The following SYNE2 variants were observed in gnomAD, a reference collection of about 807,000 sequenced individuals.
SYNE2 encodes nesprin-2.
A neutral mutation model predicts 856.3 loss-of-function variants in SYNE2; 431 were observed. The observed-to-expected ratio is 0.50, with a 90% CI of 0.47 to 0.55. The LOEUF (loss-of-function observed/expected upper bound fraction) is 0.55, where lower values mean the gene tolerates loss of function less well. Ranked by LOEUF, SYNE2 falls within the 20% of genes least tolerant of loss-of-function variation. SYNE2 has a pLI of 0.00. For missense variants in SYNE2, 8,129 were observed against 8,023.2 expected (o/e 1.01, Z -0.50); for synonymous variants, 2,923 against 2,872.3 (o/e 1.02, Z -0.56).
Position 64,162,197 on chromosome 14 carries a change from A to G in SYNE2, c.16220A>G (p.Lys5407Arg), listed in dbSNP as rs1400350223. The change falls in exon 88 of 116, where the codon AAG (lysine) becomes AGG (arginine). Residue 5407 changes from lysine (K) to arginine (R), a missense_variant. Physicochemically the swap from Lys to Arg is conservative, Grantham distance 26. This residue lies in a region of SYNE2 where 5,410 missense variants were observed against 5,284.8 expected (regional missense o/e 1.02). Transcript: ENST00000555002. ...AAARLKQQEA[K>R]FQQLANISMS... is the part of the protein sequence containing the mutation. ...GCAAGGCTGAAGCAGCAGGAAGCAA[A>G]GTTTCAACAGCTCGCAAACATCAGC... 5 of 1,614,126 alleles carry G rather than the reference A, an allele frequency of 3.1e-6. No individual in the cohort carries two copies. The highest frequency in any genetic ancestry group is 1.3e-5 in the African/African-American group (1 of 74,942).
intron 80 of SYNE2, among the ~76,000 whole-genome samples, 159 bp downstream of exon 80, chr14:64,140,232 A>G (rs926116096): frequency 4.6e-5 from 7 of 152,186 alleles, no homozygotes; most frequent in Non-Finnish European, 1.0e-4. Flanking sequence ...AACTGTTTAT[A>G]CTGTTCATTC....
At chr14:64,222,200 G>C (rs1228183806) in intron 112 of SYNE2, among the ~76,000 whole-genome samples, 1 of 152,176 alleles carries the variant, frequency 6.6e-6, no homozygotes, top group Non-Finnish European at 1.5e-5. Context: ...CCATAAATCT[G>C]TATGTGGTTT....
chr14:64,168,665 G>C (rs1232356947), intron 92 of SYNE2, among the ~76,000 whole-genome samples: 1 of 152,126 alleles, frequency 6.6e-6, no homozygotes, highest in Non-Finnish European at 1.5e-5. Context: ...GGTATTAGAT[G>C]TAATTATTAT....
chr14:64,214,409 C>T lies in SYNE2; in HGVS notation c.19272C>T (p.Asp6424=), dbSNP rs774346816. The change falls in exon 106 of 116, where the codon GAC becomes GAT. Residue 6424 remains aspartate, a synonymous_variant. Transcript: ENST00000555002. ...CCCTGGAGTGGGACCACACAGGCGA[C>T]GTGGGGGGCTCCTCCTCTCACGAAG... ...SIPLEWDHTG[D]VGGSSSHEED... 1.4e-5 allele frequency: 22 copies of T among 1,613,952 alleles called. No homozygotes were observed. Among genetic ancestry groups the T allele is most frequent in the Middle Eastern group, 1.6e-4 (1 of 6,078 alleles).
At chr14:64,186,189 C>A (rs2098489395) in intron 96 of SYNE2, among the ~76,000 whole-genome samples, 1 of 152,076 alleles carries the variant, frequency 6.6e-6, no homozygotes, top group Non-Finnish European at 1.5e-5. Flanking sequence ...ATCAGAGCTA[C>A]CTGAGGAAAT....
chr14:64,220,711 T>C, intron 111 of SYNE2, 74 bp downstream of exon 111: 1 of 1,537,814 alleles, frequency 6.5e-7, no homozygotes, highest in Non-Finnish European at 8.9e-7. Flanking sequence ...GATATTTTTA[T>C]CATCATCAGG....
At chr14:63,964,712 C>A (rs1267840764) in intron 10 of SYNE2, among the ~76,000 whole-genome samples, 1 of 151,864 alleles carries the variant, frequency 6.6e-6, no homozygotes, top group Non-Finnish European at 1.5e-5. Context: ...TTAGTAGAGA[C>A]AGGGTTTCTC....
intron 93 of SYNE2, among the ~76,000 whole-genome samples, chr14:64,169,988 A>G (rs1290167821): frequency 6.6e-6 from 1 of 152,194 alleles, no homozygotes; most frequent in Non-Finnish European, 1.5e-5. Flanking sequence ...GGGAATGGTT[A>G]TGCATGCTGG....
At position 63,909,139 on chromosome 14, in the gene SYNE2, GAGTCAA is replaced by G; in HGVS notation, c.-7_-2del. 6.3e-7 allele frequency: 1 copy of G among 1,594,026 alleles called. No individual in the cohort carries two copies. The highest frequency in any genetic ancestry group is 8.6e-7 in the Non-Finnish European group (1 of 1,161,882). ...AGATGGACATGATATAATCTCCATTGAGTCAAAGAATGGCATCTAGTCCTGAGCTTC... is the reference window on the plus strand; with the variant it reads ...AGATGGACATGATATAATCTCCATTGAGAATGGCATCTAGTCCTGAGCTTC... On this transcript the variant is annotated 5_prime_UTR_variant, in exon 2 of 116. Transcript: ENST00000555002.
chr14:64,170,506 T>C, intron 94 of SYNE2, 44 bp downstream of exon 94: 1 of 1,542,020 alleles, frequency 6.5e-7, no homozygotes, highest in South Asian at 1.2e-5. Flanking sequence ...AGGGTGGTCA[T>C]TGTTTGCAAG....
chr14:63,995,821 T>G (rs911616468), intron 23 of SYNE2, among the ~76,000 whole-genome samples: 16 of 152,126 alleles, frequency 1.1e-4, no homozygotes, highest in African/African-American at 3.6e-4. Flanking sequence ...CGATATATAA[T>G]TTGCAGTGAG....
chr14:64,017,765 A>C lies in SYNE2; in HGVS notation c.5049+9A>C. On this transcript the variant is annotated intron_variant, in intron 34 of 115. Coordinates refer to ENST00000555002, the MANE Select transcript of SYNE2 (RefSeq NM_182914.3). ...ACAGAGAAAGGCTGAAGGTAATTTA[A>C]CAGATAAAATACATGCTTTTCTTGG... The C allele has an allele frequency of 6.2e-7, 1 of 1,613,032 alleles. No homozygotes were observed. The highest frequency in any genetic ancestry group is 1.1e-5 in the South Asian group (1 of 91,032).
chr14:64,073,972 C>A lies in SYNE2; in HGVS notation c.10702C>A (p.Leu3568Ile), dbSNP rs1164026009. 8 of 1,614,010 alleles carry A rather than the reference C, an allele frequency of 5.0e-6. No individual in the cohort carries two copies. Among genetic ancestry groups the A allele is most frequent in the Non-Finnish European group, 6.8e-6 (8 of 1,179,980 alleles). ...TSMKERCNKL[L>I]QKVQKNKELV... ...TATTTTGACGTTCTCTTTTAGGCTT[C>A]TTCAGAAAGTTCAGAAAAATAAAGA... Residue 3568 changes from leucine (L) to isoleucine (I), a missense_variant, in exon 53 of 116, where the codon CTT becomes ATT. Leu to Ile is a conservative substitution (Grantham distance 5). Coordinates refer to ENST00000555002, the MANE Select transcript of SYNE2 (RefSeq NM_182914.3).
intron 103 of SYNE2, among the ~76,000 whole-genome samples, chr14:64,210,947 C>G (rs2098637628): frequency 6.6e-6 from 1 of 152,118 alleles, no homozygotes; most frequent in African/African-American, 2.4e-5. Context: ...CTGTCTCTCT[C>G]TCCTTTCCTG....
chr14:63,795,746 C>G (rs1163626699), intron 1 of SYNE2, among the ~76,000 whole-genome samples: 1 of 152,142 alleles, frequency 6.6e-6, no homozygotes, highest in East Asian at 1.9e-4. Flanking sequence ...GAAGTGGAAA[C>G]AACCCAAAAG....
At chr14:63,787,132 A>G (rs561372379) in intron 1 of SYNE2, among the ~76,000 whole-genome samples, 1 of 152,266 alleles carries the variant, frequency 6.6e-6, no homozygotes, top group African/African-American at 2.4e-5. Flanking sequence ...ATGATGATCA[A>G]AGCTGGGTAA....
chr14:63,810,524 C>T (rs1032987047), intron 1 of SYNE2, among the ~76,000 whole-genome samples: 1 of 152,134 alleles, frequency 6.6e-6, no homozygotes, highest in African/African-American at 2.4e-5. Flanking sequence ...GATCATACCA[C>T]TGGCCTGGGT....
At chr14:63,802,611 G>A (rs1888184633) in intron 1 of SYNE2, among the ~76,000 whole-genome samples, 2 of 152,216 alleles carry the variant, frequency 1.3e-5, no homozygotes, top group Non-Finnish European at 1.5e-5. Context: ...GTTTGATTCT[G>A]TGCCCGGAAT....
At chr14:64,008,105 T>C (rs1415645419) in intron 31 of SYNE2, among the ~76,000 whole-genome samples, 1 of 152,232 alleles carries the variant, frequency 6.6e-6, no homozygotes, top group Non-Finnish European at 1.5e-5. Context: ...TTTGCCTGTG[T>C]CACCCTCCTC....
Sources: gnomAD v4.1 joint callset for allele counts (sites outside exome capture counted in the v4.1 genomes callset) on GRCh38, gnomAD v4.1.1 for gene constraint, gnomAD v4.1.1 regional missense constraint, MANE v1.5 for transcripts, NCBI Gene and HGNC (gene_info 2026-07-23, HGNC 2026-07-21) for gene names.